The following ACSM5 variants were observed in gnomAD, a reference collection of about 807,000 sequenced individuals.
ACSM5 encodes acyl-coenzyme A synthetase ACSM5, mitochondrial.
In ACSM5, 56 loss-of-function variants were observed where a neutral mutation model predicts 71.6. The observed-to-expected ratio is 0.78, with a 90% CI of 0.63 to 0.98. The LOEUF (loss-of-function observed/expected upper bound fraction) is 0.98, where lower values mean the gene tolerates loss of function less well. Among genes scored for constraint, ACSM5 ranks in the 50% least tolerant of loss-of-function variants. The pLI is 0.00. For synonymous variants in ACSM5, 285 were observed against 281.5 expected (o/e 1.01, Z -0.12); for missense variants, 723 against 726.0 (o/e 1.00, Z 0.05).
intron 6 of ACSM5, among the ~76,000 whole-genome samples, chr16:20,426,069 T>C (rs1317089134): frequency 6.6e-6 from 1 of 152,204 alleles, no homozygotes; most frequent in Admixed American, 6.5e-5. Context: ...TGTTCCTTGT[T>C]CACTGCATCC....
At chr16:20,421,776 T>C (rs1170689861) in intron 5 of ACSM5, among the ~76,000 whole-genome samples, 1 of 151,742 alleles carries the variant, frequency 6.6e-6, no homozygotes, top group Non-Finnish European at 1.5e-5. Context: ...TTCACATTGT[T>C]GTGCAACCAC....
chr16:20,425,619 C>T (rs1188656633), intron 6 of ACSM5, among the ~76,000 whole-genome samples: 1 of 152,134 alleles, frequency 6.6e-6, no homozygotes, highest in Non-Finnish European at 1.5e-5. Flanking sequence ...TCCATTGTGC[C>T]ATTCTTACAC....
At chr16:20,410,317 T>G (rs755954441) in intron 1 of ACSM5, among the ~76,000 whole-genome samples, 4 of 152,210 alleles carry the variant, frequency 2.6e-5, no homozygotes, top group Admixed American at 2.0e-4. Context: ...GGCCAGTGCC[T>G]CTCAAACTTT....
rs186728520 is a variant in ACSM5 at position 20,437,932 on chromosome 16, C to T, written c.1536+565C>T. Among the ~76,000 whole-genome samples the T allele has an allele frequency of 3.1e-3, 402 of 129,684 alleles. 3 individuals are homozygous for T. Among genetic ancestry groups the T allele is most frequent in the Non-Finnish European group, 3.7e-3 (228 of 62,386 alleles). The allele number at this position is 129,684 out of a possible 152,430, so 85.1% of individuals were successfully genotyped here. A position where few individuals can be genotyped will look rare whatever the true frequency, so the allele number is the denominator to read the frequency against. On this transcript the variant is annotated intron_variant, in intron 12 of 13. Transcript: ENST00000331849. ...CCGCCTCCCAGGTTCAAGTGATCTT[C>T]CTGCCCCAGCACCCCCCCCAGTAGC...
chr16:20,436,552 G>A lies in ACSM5; in HGVS notation c.1309-500G>A, dbSNP rs182106784. ...CACCCAGCTAATTTTTTTGTCTTTA[G>A]TAGAGACAGGTTTTCACTATGTTGG... On this transcript the variant is annotated intron_variant, in intron 10 of 13. Transcript: ENST00000331849. Among the ~76,000 whole-genome samples, 1,229 of 152,074 alleles carry A rather than the reference G, an allele frequency of 8.1e-3. 16 individuals are homozygous for A. The highest frequency in any genetic ancestry group is 0.016 in the Admixed American group (237 of 15,262).
rs143811843 is a variant in ACSM5 at position 20,417,553 on chromosome 16, G to A, written c.205-506G>A. Among the ~76,000 whole-genome samples, 51 of 152,296 alleles carry A rather than the reference G, an allele frequency of 3.3e-4. No homozygotes were observed. In the East Asian group the frequency reaches 7.5e-3, roughly 22 times the overall value. On this transcript the variant is annotated intron_variant, in intron 2 of 13. Transcript: ENST00000331849. The stretch of plus-strand genomic sequence containing the variant: ...GTGATAACCAGGAGCTGGAGGAGGA[G>A]GGAATGGGAAGGGACAGCTAATTTG...
chr16:20,419,500 G>T, intron 4 of ACSM5, 65 bp downstream of exon 4: 9 of 1,477,902 alleles, frequency 6.1e-6, no homozygotes, highest in Non-Finnish European at 7.5e-6. Context: ...AACAAAAGAT[G>T]AAATGCATTG....
In ACSM5 at chr16:20,423,957, C is replaced by T. The variant is rs371025521; in HGVS notation, c.809C>T (p.Thr270Met). The change falls in exon 6 of 14, where the codon ACG (threonine) becomes ATG (methionine). Residue 270 changes from threonine to methionine, a missense_variant. Transcript: ENST00000331849. ...ACCGAATCTGACATCTTCTGGAACA[C>T]GACTGACACTGGCTGGGTGAAGGCA... ...ALTESDIFWN[T>M]TDTGWVKAAW... 55 of 1,614,054 alleles carry T rather than the reference C, an allele frequency of 3.4e-5. No homozygotes were observed. Among genetic ancestry groups the T allele is most frequent in the East Asian group, 4.5e-5 (2 of 44,894 alleles).
intron 6 of ACSM5, among the ~76,000 whole-genome samples, chr16:20,427,269 C>T (rs1430721290): frequency 6.6e-6 from 1 of 152,080 alleles, no homozygotes; most frequent in Admixed American, 6.6e-5. Context: ...CACTGCACTC[C>T]AGCCTGGGTG....
intron 10 of ACSM5, among the ~76,000 whole-genome samples, chr16:20,436,496 G>A (rs369620684): frequency 6.6e-6 from 1 of 151,932 alleles, no homozygotes; most frequent in Non-Finnish European, 1.5e-5. Context: ...TCAGCCTCCC[G>A]AGTAGCTGGA....
At chr16:20,419,477 T>C (rs1214854066) in intron 4 of ACSM5, 42 bp downstream of exon 4, 2 of 1,588,466 alleles carry the variant, frequency 1.3e-6, no homozygotes, top group East Asian at 4.5e-5. Context: ...ATGAAGTCAT[T>C]TCCCCTTTAA....
At chr16:20,438,592 T>C (rs1967250519) in intron 12 of ACSM5, among the ~76,000 whole-genome samples, 1 of 151,758 alleles carries the variant, frequency 6.6e-6, no homozygotes, top group Non-Finnish European at 1.5e-5. Flanking sequence ...ACTGGGACTG[T>C]GACAAATGGC....
chr16:20,417,448 A>AC (rs1200108735), intron 2 of ACSM5, among the ~76,000 whole-genome samples: 7 of 152,232 alleles, frequency 4.6e-5, no homozygotes, highest in Non-Finnish European at 1.0e-4. Context: ...AAGAAACCAA[A>AC]CATAAAGCTA....
At chr16:20,421,072 C>A (rs1414182640) in intron 4 of ACSM5, 186 bp from the exon 5 acceptor site, 3 of 556,128 alleles carry the variant, frequency 5.4e-6, no homozygotes, top group South Asian at 6.2e-5. Context: ...TCCTGGTCTG[C>A]AAAAGGGTTA....
In ACSM5 at chr16:20,423,271, G is replaced by A. The variant is rs186436369; in HGVS notation, c.768-645G>A. Among the ~76,000 whole-genome samples, 141 of 152,330 alleles carry A rather than the reference G, an allele frequency of 9.3e-4. 1 individual carries two copies. The highest frequency in any genetic ancestry group is 1.1e-3 in the Admixed American group (17 of 15,304). On this transcript the variant is annotated intron_variant, in intron 5 of 13. Coordinates refer to ENST00000331849, the MANE Select transcript of ACSM5 (RefSeq NM_017888.3). ...ATGAAATGGGGAGAACCAGGAGTGC[G>A]CGTGTCCCAGGATTCAAGTGCATGA...
intron 1 of ACSM5, among the ~76,000 whole-genome samples, chr16:20,411,213 G>A (rs1966847014): frequency 6.6e-6 from 1 of 152,208 alleles, no homozygotes; most frequent in Non-Finnish European, 1.5e-5. Context: ...ATTGAGGTTT[G>A]AGAAGTGGGA....
Position 20,411,695 on chromosome 16 carries a change from C to G in ACSM5, c.204+7C>G. 5 of 1,613,430 alleles carry G rather than the reference C, an allele frequency of 3.1e-6. No individual in the cohort carries two copies. The highest frequency in any genetic ancestry group is 3.4e-6 in the Non-Finnish European group (4 of 1,179,972). ...GTGGAGTCGGCTGGAAGAGGTGAAGCCTGTTCTGTCCTAGAGTCCATCTGG... is the reference window on the plus strand; with the variant it reads ...GTGGAGTCGGCTGGAAGAGGTGAAGGCTGTTCTGTCCTAGAGTCCATCTGG... On this transcript the variant is annotated splice_region_variant and intron_variant, in intron 2 of 13. Transcript: ENST00000331849.
At chr16:20,418,766 A>G (rs1247268223) in intron 3 of ACSM5, among the ~76,000 whole-genome samples, 2 of 152,210 alleles carry the variant, frequency 1.3e-5, no homozygotes, top group Non-Finnish European at 2.9e-5. Flanking sequence ...CGATGCAGTT[A>G]TAGATGAGGG....
At chr16:20,435,298 G>A (rs1412919097) in intron 10 of ACSM5, among the ~76,000 whole-genome samples, 1 of 152,222 alleles carries the variant, frequency 6.6e-6, no homozygotes, top group Admixed American at 6.5e-5. Flanking sequence ...CTCCCGAAGT[G>A]CTGGGATTAT....
Sources: allele counts gnomAD v4.1 joint callset (sites outside exome capture counted in the v4.1 genomes callset), GRCh38; gene constraint gnomAD v4.1.1; transcripts MANE v1.5; gene names NCBI Gene and HGNC (gene_info 2026-07-23, HGNC 2026-07-21).